The following CCSER2 variants were observed in gnomAD, a reference collection of about 807,000 sequenced individuals.
The protein encoded by CCSER2 is serine-rich coiled-coil domain-containing protein 2.
CCSER2 carries 46 observed loss-of-function variants against 92.3 expected under a neutral mutation model. That is an observed-to-expected ratio of 0.50 (90% CI 0.39 to 0.64). CCSER2 has a LOEUF of 0.64. Among genes scored for constraint, CCSER2 ranks in the 30% least tolerant of loss-of-function variants. The pLI, the probability that CCSER2 is intolerant of heterozygous loss-of-function variation, is 0.00. For synonymous variants in CCSER2, 433 were observed against 431.4 expected, an observed-to-expected ratio of 1.00 and a Z score of -0.04; for missense variants, 1,244 against 1,238.9, an observed-to-expected ratio of 1.00 and a Z score of -0.06.
intron 3 of CCSER2, among the ~76,000 whole-genome samples, chr10:84,398,657 G>A (rs1194648171): frequency 6.6e-6 from 1 of 152,140 alleles, no homozygotes; most frequent in Non-Finnish European, 1.5e-5. Context: ...TCCAGGGAAG[G>A]ATAGAGAAAA....
At chr10:84,329,584 A>G (rs112021423) in intron 1 of CCSER2, among the ~76,000 whole-genome samples, 18 of 152,356 alleles carry the variant, frequency 1.2e-4, no homozygotes, top group African/African-American at 4.1e-4. Context: ...AAATAGCCAT[A>G]TGAAAAGCAT....
At chr10:84,433,253 T>G (rs1244432888) in intron 5 of CCSER2, among the ~76,000 whole-genome samples, 1 of 152,252 alleles carries the variant, frequency 6.6e-6, no homozygotes, top group Non-Finnish European at 1.5e-5. Context: ...TCAAAATAAC[T>G]TGCTGAAATT....
At chr10:84,397,278 A>C (rs572089409) in intron 3 of CCSER2, among the ~76,000 whole-genome samples, 3 of 152,322 alleles carry the variant, frequency 2.0e-5, no homozygotes, top group African/African-American at 7.2e-5. Flanking sequence ...CCTCCCCCAA[A>C]GTATAATGTC....
chr10:84,438,489 C>T, intron 5 of CCSER2, 23 bp from the exon 6 acceptor site: 4 of 1,365,406 alleles, frequency 2.9e-6, no homozygotes, highest in South Asian at 1.4e-5. Flanking sequence ...CTTTTCCCTC[C>T]ACCTTCTTCC....
chr10:84,391,675 G>T, intron 3 of CCSER2: 1 of 1,531,370 alleles, frequency 6.5e-7, no homozygotes, highest in Admixed American at 1.7e-5. Flanking sequence ...CAAAGACATT[G>T]TTAGAGAATA....
chr10:84,380,958 G>C (rs1361234430), intron 3 of CCSER2, among the ~76,000 whole-genome samples: 1 of 152,118 alleles, frequency 6.6e-6, no homozygotes, highest in East Asian at 1.9e-4. Flanking sequence ...GCCTCCCAAA[G>C]TGCTGGGAGT....
Position 84,375,859 on chromosome 10 carries a change from T to G in CCSER2, c.1614+2044T>G, listed in dbSNP as rs1202062072. On this transcript the variant is annotated intron_variant, in intron 3 of 9. Coordinates refer to ENST00000372088, the MANE Select transcript of CCSER2 (RefSeq NM_001284240.2). ...TGTCTTGCTTTTTTTTTCTGTTTCT[T>G]TTTCTTTTTTTTTTTTCCTACAGTG... Among the ~76,000 whole-genome samples the G allele has an allele frequency of 7.3e-5, 11 of 151,392 alleles. No homozygotes were observed. In the East Asian group the frequency reaches 1.7e-3, roughly 24 times the overall value.
chr10:84,506,127 A>T (rs1397935994), intron 9 of CCSER2, among the ~76,000 whole-genome samples: 2 of 135,326 alleles, frequency 1.5e-5, no homozygotes, highest in African/African-American at 5.0e-5. Context: ...GTCCCTCTTA[A>T]TCACTTTGAT....
intron 3 of CCSER2, among the ~76,000 whole-genome samples, chr10:84,392,334 A>AT (rs1554839614): frequency 4.0e-5 from 6 of 151,392 alleles, no homozygotes; most frequent in African/African-American, 1.2e-4. Flanking sequence ...AAAAAAAAAA[A>AT]AAAAAAATCT....
chr10:84,445,134 G>GT (rs34194102), intron 6 of CCSER2, among the ~76,000 whole-genome samples: 2 of 151,952 alleles, frequency 1.3e-5, no homozygotes, highest in Non-Finnish European at 2.9e-5. Flanking sequence ...GAAAAAGATA[G>GT]TTTTTTTGTG....
At chr10:84,361,524 G>A (rs12354533) in intron 1 of CCSER2, among the ~76,000 whole-genome samples, 54,105 of 152,066 alleles carry the variant, frequency 0.36, 11,505 homozygotes, top group East Asian at 0.5. Context: ...TTATCCTCAA[G>A]TCTCTGGATT....
chr10:84,457,278 A>ATTATATG (rs1845720180), intron 6 of CCSER2, among the ~76,000 whole-genome samples: 4 of 2,226 alleles, frequency 1.8e-3, no homozygotes, highest in Non-Finnish European at 3.5e-3. Flanking sequence ...TATATAATAT[A>ATTATATG]TTATATATTA....
intron 3 of CCSER2, among the ~76,000 whole-genome samples, chr10:84,375,540 T>G (rs1202451282): frequency 1.1e-4 from 16 of 151,364 alleles, no homozygotes; most frequent in African/African-American, 2.4e-4. Context: ...GGTTTGTTTT[T>G]TTTTTTTTTT....
At chr10:84,351,687 A>G (rs113841974) in intron 1 of CCSER2, among the ~76,000 whole-genome samples, 15 of 152,344 alleles carry the variant, frequency 9.8e-5, no homozygotes, top group African/African-American at 3.4e-4. Context: ...TTTAAAATAT[A>G]GAGTATTTTA....
intron 1 of CCSER2, among the ~76,000 whole-genome samples, chr10:84,346,465 G>A (rs1268901016): frequency 6.6e-6 from 1 of 151,868 alleles, no homozygotes; most frequent in Non-Finnish European, 1.5e-5. Context: ...GTAGAACACA[G>A]GAAAACATGA....
At chr10:84,498,722 G>A (rs2131831695) in intron 9 of CCSER2, among the ~76,000 whole-genome samples, 1 of 152,232 alleles carries the variant, frequency 6.6e-6, no homozygotes, top group East Asian at 1.9e-4. Context: ...ATTTAACTGG[G>A]TATGATCATG....
chr10:84,510,526 G>A (rs560146228), intron 9 of CCSER2, among the ~76,000 whole-genome samples: 13 of 152,068 alleles, frequency 8.5e-5, no homozygotes, highest in Non-Finnish European at 1.5e-4. Context: ...AAAAGTGTAT[G>A]CTTTTTGATA....
In CCSER2 at chr10:84,354,608, T is replaced by C. The variant is rs996299943; in HGVS notation, c.-39-16406T>C. Among the ~76,000 whole-genome samples, 7 of 140,954 alleles carry C rather than the reference T, an allele frequency of 5.0e-5. No homozygotes were observed. In the East Asian group the frequency reaches 1.6e-3, roughly 32 times the overall value. The allele number at this position is 140,954 out of a possible 152,430, so 92.5% of individuals were successfully genotyped here. A position where few individuals can be genotyped will look rare whatever the true frequency, so the allele number is the denominator to read the frequency against. Reference sequence around the variant, plus strand: ...TGTTGGTGATACCAGGACTGTGCCTTTCTCTCCTTGTTGTACATCTTCTCC... The same window carrying C: ...TGTTGGTGATACCAGGACTGTGCCTCTCTCTCCTTGTTGTACATCTTCTCC... On this transcript the variant is annotated intron_variant, in intron 1 of 9. Transcript: ENST00000372088.
At position 84,377,808 on chromosome 10, in the gene CCSER2, A is replaced by G. The variant is rs1016407280; in HGVS notation, c.1614+3993A>G. Among the ~76,000 whole-genome samples, 4 of 152,306 alleles carry G rather than the reference A, an allele frequency of 2.6e-5. No homozygotes were observed. In the South Asian group the frequency reaches 8.3e-4, roughly 32 times the overall value. ...TCTTGCTAATGTTTTGTACTTTTCTATAAAATGTTATGCATGTTTGATTTT... is the reference window on the plus strand; with the variant it reads ...TCTTGCTAATGTTTTGTACTTTTCTGTAAAATGTTATGCATGTTTGATTTT... On this transcript the variant is annotated intron_variant, in intron 3 of 9. Transcript: ENST00000372088.
Sources: gnomAD v4.1 joint callset for allele counts (sites outside exome capture counted in the v4.1 genomes callset) on GRCh38, gnomAD v4.1.1 for gene constraint, MANE v1.5 for transcripts, NCBI Gene and HGNC (gene_info 2026-07-23, HGNC 2026-07-21) for gene names.